ATR: variants seen among roughly 807,000 people sequenced by gnomAD.
The protein encoded by ATR is serine/threonine-protein kinase ATR.
ATR carries 142 observed loss-of-function variants against 305.3 expected under a neutral mutation model. The observed-to-expected ratio is 0.47, with a 90% CI of 0.41 to 0.53. ATR has a LOEUF of 0.53. Ranked by LOEUF, ATR falls within the 20% of genes least tolerant of loss-of-function variation. The probability of loss-of-function intolerance (pLI) is 0.00; values close to 1 mark genes in which losing one functional copy is unlikely to be tolerated. For missense variants in ATR, 2,135 were observed against 3,133.1 expected (o/e 0.68, Z 7.60); for synonymous variants, 1,050 against 1,068.1 (o/e 0.98, Z 0.33).
At chr3:142,559,072 T>C in intron 7 of ATR, 179 bp downstream of exon 7, 1 of 687,884 alleles carries the variant, frequency 1.5e-6, no homozygotes, top group Non-Finnish European at 2.4e-6. Flanking sequence ...AATCAAAATA[T>C]TATGCACATA....
intron 40 of ATR, 99 bp downstream of exon 40, chr3:142,466,225 T>G (rs1305251385): frequency 7.7e-7 from 1 of 1,306,112 alleles, no homozygotes; most frequent in East Asian, 2.5e-5. Flanking sequence ...TCTTCACAAA[T>G]AAGATTCACG....
chr3:142,452,304 T>A (rs1485145121), intron 46 of ATR: 2 of 988,406 alleles, frequency 2.0e-6, no homozygotes, highest in East Asian at 2.3e-4. Flanking sequence ...TTAGTAAGCC[T>A]GTACAAGACT....
chr3:142,509,645 C>T (rs950669607), intron 27 of ATR, among the ~76,000 whole-genome samples: 4 of 141,516 alleles, frequency 2.8e-5, no homozygotes, highest in Admixed American at 2.3e-4. Flanking sequence ...TAGCCTCAAT[C>T]TCACAGGCTC....
intron 36 of ATR, among the ~76,000 whole-genome samples, chr3:142,479,666 T>A (rs975717034): frequency 7.9e-5 from 12 of 152,202 alleles, no homozygotes; most frequent in East Asian, 1.9e-4. Context: ...TCTCCTGGAT[T>A]ATATCCTGCA....
At chr3:142,451,002 A>G (rs111700291) in intron 46 of ATR, 24,973 of 1,245,468 alleles carry the variant, frequency 0.02, 315 homozygotes, top group South Asian at 0.04. Context: ...GCTGTGAACT[A>G]CACCATCAAT....
chr3:142,494,959 T>C (rs2031498645), intron 34 of ATR, among the ~76,000 whole-genome samples: 1 of 152,076 alleles, frequency 6.6e-6, no homozygotes, highest in Admixed American at 6.5e-5. Flanking sequence ...GCAGTGGAAA[T>C]AAATAAGAGG....
chr3:142,507,999 C>T lies in ATR; in HGVS notation c.4963G>A (p.Val1655Ile), dbSNP rs200547342. Residue 1655 changes from valine (V) to isoleucine (I), a missense_variant, in exon 28 of 47, where the codon GTA (valine) becomes ATA (isoleucine). Coordinates refer to ENST00000350721, the MANE Select transcript of ATR (RefSeq NM_001184.4). Reference sequence around the variant, plus strand: ...GTAATAAATGATTCAAAGTGCATTACAGCTCGTGTGTATGCTTTGGAGCGA... The same window carrying T: ...GTAATAAATGATTCAAAGTGCATTATAGCTCGTGTGTATGCTTTGGAGCGA... ...SFRSKAYTRA[V>I]MHFESFITEK... 3.1e-6 allele frequency: 5 copies of T among 1,613,364 alleles called. No individual in the cohort carries two copies. The South Asian group carries it at 5.5e-5, about 18-fold the overall frequency.
intron 24 of ATR, among the ~76,000 whole-genome samples, 154 bp downstream of exon 24, chr3:142,519,515 T>C (rs1463985485): frequency 6.6e-6 from 1 of 152,136 alleles, no homozygotes; most frequent in African/African-American, 2.4e-5. Context: ...TTGGTCAGGC[T>C]GATCTCGAAC....
At position 142,562,919 on chromosome 3, in the gene ATR, T is replaced by C. The variant is rs182268224; in HGVS notation, c.483A>G (p.Arg161=). Residue 161 remains arginine, a synonymous_variant, in exon 4 of 47, where the codon AGA becomes AGG. Transcript: ENST00000350721. ...QLFEDLVYLH[R]RNVMGHAVEW... The stretch of plus-strand genomic sequence containing the variant: ...CCACAGCATGACCCATCACATTTCT[T>C]CTATGGAGGTAAACCAAGTCTTCAA... The C allele has an allele frequency of 2.8e-4, 448 of 1,613,552 alleles. 3 individuals carry two copies. In the Middle Eastern group the frequency reaches 5.3e-3, roughly 19 times the overall value.
At chr3:142,528,879 A>ATATATATATATATATATATTT (rs1215767510) in intron 21 of ATR, among the ~76,000 whole-genome samples, 1 of 30,486 alleles carries the variant, frequency 3.3e-5, no homozygotes, top group Non-Finnish European at 5.0e-5. Flanking sequence ...ATATATATAT[A>ATATATATATATATATATATTT]TTTTTTTTTT....
In ATR at chr3:142,547,917, C is replaced by A. The variant is rs113369370; in HGVS notation, c.3172-7G>T. 9.3e-6 allele frequency: 15 copies of A among 1,613,592 alleles called. No homozygotes were observed. Among genetic ancestry groups the A allele is most frequent in the African/African-American group, 8.0e-5 (6 of 74,966 alleles). On this transcript the variant is annotated splice_polypyrimidine_tract_variant and splice_region_variant and intron_variant, in intron 15 of 46. Coordinates refer to ENST00000350721, the MANE Select transcript of ATR (RefSeq NM_001184.4). ...GTTCAATTTCTGTTTCATTCTAACC[C>A]AAAGACATGTTAAAAAAAATTTTTT...
intron 28 of ATR, among the ~76,000 whole-genome samples, chr3:142,506,040 C>A (rs573811753): frequency 6.6e-6 from 1 of 152,266 alleles, no homozygotes; most frequent in South Asian, 2.1e-4. Flanking sequence ...GAAAAATTTA[C>A]TGGATTTGGT....
At chr3:142,525,666 G>A (rs1388650315) in intron 21 of ATR, among the ~76,000 whole-genome samples, 3 of 152,300 alleles carry the variant, frequency 2.0e-5, no homozygotes, top group South Asian at 4.1e-4. Context: ...TGCCATCCCT[G>A]TGATAATAAG....
At chr3:142,532,553 C>T (rs776948257) in intron 21 of ATR, among the ~76,000 whole-genome samples, 1 of 152,178 alleles carries the variant, frequency 6.6e-6, no homozygotes, top group Non-Finnish European at 1.5e-5. Context: ...GTCATCTCTT[C>T]AATGTCAATG....
intron 12 of ATR, 61 bp from the exon 13 acceptor site, chr3:142,553,459 T>TACACACAC: frequency 1.5e-6 from 2 of 1,331,170 alleles, no homozygotes; most frequent in East Asian, 4.8e-5. Context: ...CACACACACA[T>TACACACAC]ACACACACAT....
chr3:142,522,849 A>C lies in ATR; in HGVS notation c.4153-8T>G. 1 of 1,583,218 alleles carries C rather than the reference A, an allele frequency of 6.3e-7. No individual in the cohort carries two copies. ...TGAATCTTCTACTCCAGTCTCAATC[A>C]GAAAAAAAAAAAAGAAAATTCCAGG... On this transcript the variant is annotated splice_region_variant and splice_polypyrimidine_tract_variant and intron_variant, in intron 22 of 46. Coordinates refer to ENST00000350721, the MANE Select transcript of ATR (RefSeq NM_001184.4).
At chr3:142,567,195 G>A (rs953276603) in intron 2 of ATR, among the ~76,000 whole-genome samples, 9 of 152,118 alleles carry the variant, frequency 5.9e-5, no homozygotes, top group African/African-American at 1.9e-4. Context: ...CCAGTGGGGC[G>A]CCAAACAAAC....
intron 17 of ATR, among the ~76,000 whole-genome samples, chr3:142,542,158 A>ACATG (rs2034075738): frequency 3.9e-5 from 6 of 152,216 alleles, no homozygotes; most frequent in Admixed American, 3.3e-4. Flanking sequence ...CAAAAACACC[A>ACATG]TGAGCCATGA....
intron 5 of ATR, 93 bp from the exon 6 acceptor site, chr3:142,560,547 A>G: frequency 7.7e-7 from 1 of 1,292,038 alleles, no homozygotes; most frequent in Non-Finnish European, 1.1e-6. Flanking sequence ...ACTATGTAAT[A>G]TCAACTATTC....
Sources: allele counts gnomAD v4.1 joint callset (sites outside exome capture counted in the v4.1 genomes callset), GRCh38; gene constraint gnomAD v4.1.1; transcripts MANE v1.5; gene names NCBI Gene and HGNC (gene_info 2026-07-23, HGNC 2026-07-21).